HS3ST5: variants seen among roughly 807,000 people sequenced by gnomAD.
HS3ST5 encodes the protein heparan sulfate-glucosamine 3-sulfotransferase 5.
HS3ST5 carries 10 observed loss-of-function variants against 25.4 expected under a neutral mutation model. The ratio of observed to expected loss-of-function variants is 0.39; its 90% confidence interval spans 0.24 to 0.67. The LOEUF (loss-of-function observed/expected upper bound fraction) is 0.67. Among genes scored for constraint, HS3ST5 ranks in the 30% least tolerant of loss-of-function variants. The pLI is 0.44. For missense variants in HS3ST5, 324 were observed against 420.7 expected (o/e 0.77, Z 2.01); for synonymous variants, 170 against 162.4 (o/e 1.05, Z -0.36).
chr6:114,322,402 T>C (rs563320341), intron 1 of HS3ST5, among the ~76,000 whole-genome samples: 1 of 152,276 alleles, frequency 6.6e-6, no homozygotes, highest in East Asian at 1.9e-4. Context: ...CAGGTGGGCC[T>C]GCTTTTTCCT....
chr6:114,228,697 G>A lies in HS3ST5; in HGVS notation c.-257C>T, dbSNP rs1370054526. On this transcript the variant is annotated 5_prime_UTR_variant, in exon 2 of 5. Transcript: ENST00000312719. ...TTTCCAAGGGTTTTAAAACAGGTCA[G>A]GGAGACTCCTGGGGTGGCCACCAGA... 1.3e-5 allele frequency: 2 copies of A among 152,122 alleles called. No individual in the cohort carries two copies. Among genetic ancestry groups the A allele is most frequent in the East Asian group, 3.9e-4 (2 of 5,182 alleles). The allele number at this position is 152,122 out of a possible 1,614,324, so 9.4% of individuals were successfully genotyped here. A position where few individuals can be genotyped will look rare whatever the true frequency, so the allele number is the denominator to read the frequency against.
At chr6:114,184,001 AATAGGATATTT>A (rs1490481437) in intron 2 of HS3ST5, among the ~76,000 whole-genome samples, 1 of 151,774 alleles carries the variant, frequency 6.6e-6, no homozygotes, top group African/African-American at 2.4e-5. Flanking sequence ...CAAGTAATGA[AATAGGATATTT>A]ATAGGATATT....
intron 2 of HS3ST5, among the ~76,000 whole-genome samples, chr6:114,210,299 C>T (rs1781455753): frequency 6.6e-6 from 1 of 152,040 alleles, no homozygotes. Context: ...TGTAGACTTG[C>T]ACCTCAATTA....
At chr6:114,161,203 G>A (rs1778928968) in intron 3 of HS3ST5, among the ~76,000 whole-genome samples, 1 of 151,816 alleles carries the variant, frequency 6.6e-6, no homozygotes, top group South Asian at 2.1e-4. Context: ...GGCCTTCGTG[G>A]AGACCTAGAT....
chr6:114,223,764 G>A (rs1353985852), intron 2 of HS3ST5, among the ~76,000 whole-genome samples: 1 of 151,644 alleles, frequency 6.6e-6, no homozygotes, highest in Non-Finnish European at 1.5e-5. Flanking sequence ...GACTGGTTAA[G>A]TACCTAATTT....
chr6:114,119,210 GAC>G (rs1039571740), intron 3 of HS3ST5, among the ~76,000 whole-genome samples: 3 of 152,136 alleles, frequency 2.0e-5, no homozygotes, highest in African/African-American at 7.2e-5. Context: ...CGATAAACAA[GAC>G]AGTAGAGAAG....
At chr6:114,252,514 G>T (rs1339038935) in intron 1 of HS3ST5, among the ~76,000 whole-genome samples, 3 of 152,176 alleles carry the variant, frequency 2.0e-5, no homozygotes, top group Admixed American at 2.0e-4. Flanking sequence ...CTAGATGGTT[G>T]CAAGAGAAAC....
chr6:114,200,698 G>A (rs1212589646), intron 2 of HS3ST5, among the ~76,000 whole-genome samples: 2 of 151,850 alleles, frequency 1.3e-5, no homozygotes, highest in Non-Finnish European at 2.9e-5. Flanking sequence ...ATGATTTATA[G>A]TATTCTATTT....
chr6:114,215,241 G>T (rs1011976597), intron 2 of HS3ST5, among the ~76,000 whole-genome samples: 3 of 152,138 alleles, frequency 2.0e-5, no homozygotes, highest in Non-Finnish European at 4.4e-5. Context: ...GGGAGGCGGA[G>T]CTTCCAGTGA....
At chr6:114,312,146 G>A (rs1452832787) in intron 1 of HS3ST5, among the ~76,000 whole-genome samples, 1 of 152,150 alleles carries the variant, frequency 6.6e-6, no homozygotes, top group Non-Finnish European at 1.5e-5. Flanking sequence ...TGGATTTCAT[G>A]TTACTATGTT....
intron 3 of HS3ST5, among the ~76,000 whole-genome samples, chr6:114,096,187 C>T (rs769339235): frequency 1.8e-4 from 27 of 152,102 alleles, no homozygotes; most frequent in Non-Finnish European, 3.5e-4. Flanking sequence ...GCAAATTGTT[C>T]ACTAGTCCAA....
chr6:114,161,899 T>G (rs1778992284), intron 3 of HS3ST5, among the ~76,000 whole-genome samples: 1 of 151,960 alleles, frequency 6.6e-6, no homozygotes, highest in Non-Finnish European at 1.5e-5. Flanking sequence ...TGGAAAATCA[T>G]ATTAACATAT....
intron 3 of HS3ST5, among the ~76,000 whole-genome samples, chr6:114,163,227 C>T (rs1779055500): frequency 6.6e-6 from 1 of 152,058 alleles, no homozygotes; most frequent in African/African-American, 2.4e-5. Context: ...CTATGAAATA[C>T]AAATTGAGCA....
intron 2 of HS3ST5, among the ~76,000 whole-genome samples, chr6:114,225,738 T>G (rs978834114): frequency 6.6e-6 from 1 of 151,954 alleles, no homozygotes; most frequent in Non-Finnish European, 1.5e-5. Context: ...ACATGCAGGA[T>G]AGCTGTATCA....
At chr6:114,258,214 C>T (rs1022448392) in intron 1 of HS3ST5, among the ~76,000 whole-genome samples, 2 of 152,138 alleles carry the variant, frequency 1.3e-5, no homozygotes, top group Non-Finnish European at 2.9e-5. Context: ...TGTTGTTACC[C>T]ACATATGCCC....
chr6:114,287,727 T>A (rs1774399955), intron 1 of HS3ST5, among the ~76,000 whole-genome samples: 1 of 151,938 alleles, frequency 6.6e-6, no homozygotes, highest in Admixed American at 6.6e-5. Flanking sequence ...CAAACAAACA[T>A]CACCCTCTTT....
chr6:114,144,485 C>T (rs1562214230), intron 3 of HS3ST5, among the ~76,000 whole-genome samples: 1 of 151,104 alleles, frequency 6.6e-6, no homozygotes, highest in Non-Finnish European at 1.5e-5. Context: ...TGGTCCCACA[C>T]AGCCTAAAAT....
intron 3 of HS3ST5, among the ~76,000 whole-genome samples, chr6:114,146,875 C>T (rs1031857969): frequency 6.6e-6 from 1 of 152,158 alleles, no homozygotes; most frequent in East Asian, 1.9e-4. Flanking sequence ...TGGGAAGCTG[C>T]CATGCTTGTG....
At chr6:114,172,026 T>A (rs773013369) in intron 2 of HS3ST5, among the ~76,000 whole-genome samples, 3 of 152,148 alleles carry the variant, frequency 2.0e-5, no homozygotes, top group Non-Finnish European at 2.9e-5. Context: ...TTGGGGAGAT[T>A]TGTTCCCATC....
Sources: gnomAD v4.1 joint callset for allele counts (sites outside exome capture counted in the v4.1 genomes callset) on GRCh38, gnomAD v4.1.1 for gene constraint, MANE v1.5 for transcripts, NCBI Gene and HGNC (gene_info 2026-07-23, HGNC 2026-07-21) for gene names.